Variants in TNRC6A observed in about 807,000 individuals in gnomAD.
TNRC6A encodes the protein trinucleotide repeat containing adaptor 6A.
Under a neutral mutation model 221.2 loss-of-function variants are expected in TNRC6A, and 44 were observed. The observed-to-expected ratio is 0.20, with a 90% CI of 0.16 to 0.26. TNRC6A has a LOEUF of 0.26. Ranked by LOEUF, TNRC6A falls within the 10% of genes least tolerant of loss-of-function variation. The probability of loss-of-function intolerance (pLI) is 1.00; values close to 1 mark genes in which losing one functional copy is unlikely to be tolerated. For synonymous variants in TNRC6A, 847 were observed against 838.5 expected (o/e 1.01, Z -0.18); for missense variants, 2,199 against 2,404.4 (o/e 0.91, Z 1.79).
intron 2 of TNRC6A, among the ~76,000 whole-genome samples, chr16:24,641,500 G>A (rs947601796): frequency 6.6e-6 from 1 of 152,130 alleles, no homozygotes; most frequent in Non-Finnish European, 1.5e-5. Flanking sequence ...CTGGGTTAGT[G>A]GTTGGTAAAG....
chr16:24,771,722 T>C (rs1245169761), intron 4 of TNRC6A, among the ~76,000 whole-genome samples: 1 of 152,124 alleles, frequency 6.6e-6, no homozygotes, highest in Non-Finnish European at 1.5e-5. Flanking sequence ...CATCTGCTGC[T>C]GTGCCTGGCT....
intron 2 of TNRC6A, among the ~76,000 whole-genome samples, chr16:24,717,770 C>CTTTTTTTTT (rs71383705): frequency 9.3e-6 from 1 of 107,366 alleles, no homozygotes; most frequent in Non-Finnish European, 1.9e-5. Context: ...TTTTTTTTTT[C>CTTTTTTTTT]TTTTTTTTTT....
chr16:24,674,346 G>T (rs59687720), intron 2 of TNRC6A, among the ~76,000 whole-genome samples: 1 of 151,874 alleles, frequency 6.6e-6, no homozygotes, highest in African/African-American at 2.4e-5. Context: ...TCAAAGCTAC[G>T]GTGAGCTATG....
chr16:24,637,458 T>C (rs1901694239), intron 1 of TNRC6A, among the ~76,000 whole-genome samples: 1 of 152,174 alleles, frequency 6.6e-6, no homozygotes, highest in African/African-American at 2.4e-5. Flanking sequence ...TTGATCTGAC[T>C]ATGACTCCAT....
At chr16:24,779,901 A>G (rs1239181357) in intron 5 of TNRC6A, among the ~76,000 whole-genome samples, 3 of 152,206 alleles carry the variant, frequency 2.0e-5, no homozygotes, top group Non-Finnish European at 4.4e-5. Flanking sequence ...GTCAAACTAG[A>G]CAACTCTGCA....
chr16:24,753,326 C>G (rs543783055), intron 3 of TNRC6A, among the ~76,000 whole-genome samples: 3 of 152,188 alleles, frequency 2.0e-5, no homozygotes, highest in Non-Finnish European at 2.9e-5. Context: ...TTTGCCAGAT[C>G]TTCAGCACTG....
Position 24,777,223 on chromosome 16 carries a change from G to C in TNRC6A, c.454G>C (p.Gly152Arg). 6.2e-7 allele frequency: 1 copy of C among 1,614,100 alleles called. No homozygotes were observed. The highest frequency in any genetic ancestry group is 1.1e-5 in the South Asian group (1 of 91,068). ...HQEHKQLLKR[G>R]QHFPVIAANL... ...GGAACACAAACAGCTTCTAAAGAGG[G>C]GTCAGCATTTTCCTGTTATAGCAGC... Residue 152 changes from glycine (G) to arginine (R), a missense_variant, in exon 5 of 25, where the codon GGT becomes CGT. Around this residue, in one of 8 missense-constraint regions of TNRC6A, gnomAD observed 1,405 missense variants for 1,400.2 expected, o/e 1.00. Coordinates refer to ENST00000395799, the MANE Select transcript of TNRC6A (RefSeq NM_014494.4).
rs57302400 is a variant in TNRC6A, at chr16:24,753,960, A to C, written c.141+3147A>C. On this transcript the variant is annotated intron_variant, in intron 3 of 24. Transcript: ENST00000395799. Reference sequence around the variant, plus strand: ...TCTCTCCTCCAGCTGGTGCTTTGCCAAAACCCTGTGCCATGACTTTATCCT... The same window carrying C: ...TCTCTCCTCCAGCTGGTGCTTTGCCCAAACCCTGTGCCATGACTTTATCCT... Among the ~76,000 whole-genome samples the C allele has an allele frequency of 4.6e-3, 705 of 152,322 alleles. 6 individuals carry two copies. Among genetic ancestry groups the C allele is most frequent in the African/African-American group, 0.016 (677 of 41,564 alleles).
At chr16:24,737,674 A>C (rs1211430252) in intron 2 of TNRC6A, among the ~76,000 whole-genome samples, 1 of 152,252 alleles carries the variant, frequency 6.6e-6, no homozygotes, top group Non-Finnish European at 1.5e-5. Context: ...TATAATAACA[A>C]ACAAGATTAA....
In TNRC6A at chr16:24,806,650, A is replaced by C; in HGVS notation, c.4406A>C (p.Gln1469Pro). The C allele has an allele frequency of 6.2e-7, 1 of 1,614,218 alleles. No homozygotes were observed. The highest frequency in any genetic ancestry group is 8.5e-7 in the Non-Finnish European group (1 of 1,180,048). The change falls in exon 17 of 25, where the codon CAG becomes CCG. Residue 1469 changes from glutamine to proline, a missense_variant. Gln to Pro is a moderately conservative substitution (Grantham distance 76). Transcript: ENST00000395799. ...GATCCAAACCTGTTGGTGAAGCAGC[A>C]GACTCCACCATCTCAGCAGCAGCCA... The part of the protein sequence containing the change: ...QLDPNLLVKQ[Q>P]TPPSQQQPLH...
chr16:24,764,348 A>G lies in TNRC6A; in HGVS notation c.163+5988A>G, dbSNP rs184954679. ...TTCTTTTCTTTTTTTTTTTTTTGAGACAGAGTCTTGCTCTGTCGCCCAGGC... is the reference window on the plus strand; with the variant it reads ...TTCTTTTCTTTTTTTTTTTTTTGAGGCAGAGTCTTGCTCTGTCGCCCAGGC... On this transcript the variant is annotated intron_variant, in intron 4 of 24. Coordinates refer to ENST00000395799, the MANE Select transcript of TNRC6A (RefSeq NM_014494.4). 8.7e-3 allele frequency among the ~76,000 whole-genome samples: 1,278 copies of G among 146,614 alleles called. 21 individuals are homozygous for G. The highest frequency in any genetic ancestry group is 0.031 in the African/African-American group (1,213 of 39,462).
intron 2 of TNRC6A, among the ~76,000 whole-genome samples, chr16:24,738,953 C>T (rs1042213233): frequency 6.6e-6 from 1 of 152,136 alleles, no homozygotes; most frequent in African/African-American, 2.4e-5. Context: ...CTTCCAGGCT[C>T]AAGCCATCCT....
chr16:24,742,604 G>A (rs911201944), intron 2 of TNRC6A, among the ~76,000 whole-genome samples: 7 of 152,182 alleles, frequency 4.6e-5, no homozygotes, highest in Non-Finnish European at 7.3e-5. Context: ...GTCCTATTTG[G>A]AAGAGTGAGA....
At chr16:24,686,739 C>T (rs1004751403) in intron 2 of TNRC6A, among the ~76,000 whole-genome samples, 28 of 152,068 alleles carry the variant, frequency 1.8e-4, no homozygotes, top group Admixed American at 4.6e-4. Flanking sequence ...GGATCGGTGC[C>T]GCGACAGAGG....
At position 24,806,629 on chromosome 16, in the gene TNRC6A, C is replaced by G. The variant is rs756025533; in HGVS notation, c.4385C>G (p.Pro1462Arg). The change falls in exon 17 of 25, where the codon CCA becomes CGA. Residue 1462 changes from proline to arginine, a missense_variant. Pro to Arg is a moderately radical substitution (Grantham distance 103). This residue lies in a region of TNRC6A where 449 missense variants were observed against 579.7 expected (regional missense o/e 0.77). Transcript: ENST00000395799. ...QMMQQSRQLD[P>R]NLLVKQQTPP... ...ATGCAACAATCTCGTCAACTTGATCCAAACCTGTTGGTGAAGCAGCAGACT... is the reference window on the plus strand; with the variant it reads ...ATGCAACAATCTCGTCAACTTGATCGAAACCTGTTGGTGAAGCAGCAGACT... 1 of 1,614,196 alleles carries G rather than the reference C, an allele frequency of 6.2e-7. No individual in the cohort carries two copies. Among genetic ancestry groups the G allele is most frequent in the Admixed American group, 1.7e-5 (1 of 60,022 alleles).
chr16:24,638,588 C>T (rs1008965987), intron 1 of TNRC6A, among the ~76,000 whole-genome samples: 17 of 152,046 alleles, frequency 1.1e-4, no homozygotes, highest in Non-Finnish European at 2.1e-4. Context: ...TGGCATGTGC[C>T]GGTAGTCCCA....
chr16:24,713,743 T>C lies in TNRC6A; in HGVS notation n.403-36983T>C, dbSNP rs555502187. 3.3e-5 allele frequency among the ~76,000 whole-genome samples: 5 copies of C among 152,270 alleles called. No individual in the cohort carries two copies. In the South Asian group the frequency reaches 1.0e-3, roughly 32 times the overall value. The stretch of plus-strand genomic sequence containing the variant: ...CTTACTGCAACCTCTGCTTCCCAGG[T>C]TCAAGTGATTCTCCTGCCTCAGCCT... On this transcript the variant is annotated intron_variant and non_coding_transcript_variant, in intron 2 of 2. Transcript: ENST00000566108.
chr16:24,627,285 T>C (rs1157471943), intron 1 of TNRC6A, among the ~76,000 whole-genome samples: 1 of 152,042 alleles, frequency 6.6e-6, no homozygotes, highest in Non-Finnish European at 1.5e-5. Flanking sequence ...GGAGGCCCTA[T>C]TAAGAAAGGC....
chr16:24,819,908 T>C (rs1169596298), intron 21 of TNRC6A, among the ~76,000 whole-genome samples: 5 of 152,220 alleles, frequency 3.3e-5, no homozygotes, highest in Admixed American at 3.3e-4. Context: ...CCTAAGAATT[T>C]CATAGGTCTT....
Sources: gnomAD v4.1 joint callset for allele counts (sites outside exome capture counted in the v4.1 genomes callset) on GRCh38, gnomAD v4.1.1 for gene constraint, gnomAD v4.1.1 regional missense constraint, MANE v1.5 for transcripts, NCBI Gene and HGNC (gene_info 2026-07-23, HGNC 2026-07-21) for gene names.